Variants in NOD1 observed in about 807,000 individuals in gnomAD.
NOD1 encodes nucleotide-binding oligomerization domain-containing protein 1.
NOD1 carries 70 observed loss-of-function variants against 81.2 expected under a neutral mutation model. The ratio of observed to expected loss-of-function variants is 0.86; its 90% CI spans 0.71 to 1.05. The LOEUF (loss-of-function observed/expected upper bound fraction) is 1.05, where lower values mean the gene tolerates loss of function less well. Among genes scored for constraint, NOD1 ranks in the 50% least tolerant of loss-of-function variants. The probability of loss-of-function intolerance (pLI) is 0.00; values close to 1 mark genes in which losing one functional copy is unlikely to be tolerated. For synonymous variants in NOD1, 508 were observed against 526.9 expected (o/e 0.96, Z 0.49); for missense variants, 1,233 against 1,228.0 (o/e 1.00, Z -0.06).
chr7:30,463,121 T>G (rs1787311555), intron 1 of NOD1, among the ~76,000 whole-genome samples: 1 of 152,076 alleles, frequency 6.6e-6, no homozygotes, highest in Non-Finnish European at 1.5e-5. Context: ...GATTGCATGC[T>G]TGCTCTCTCC....
Position 30,468,733 on chromosome 7 carries a change from A to G in NOD1, c.-351-8692T>C, listed in dbSNP as rs536384592. ...TCCACCAACCCCCAACATAACTGGC[A>G]CACATATACCCATGAATGGGGACCA... On this transcript the variant is annotated intron_variant, in intron 1 of 13. Transcript: ENST00000222823. 2.8e-5 allele frequency: 22 copies of G among 783,520 alleles called. No homozygotes were observed. In the Admixed American group the frequency reaches 1.3e-3, roughly 47 times the overall value. 48.5% of individuals were successfully genotyped at this position (783,520 alleles called of 1,614,324 possible). A position where few individuals can be genotyped will look rare whatever the true frequency, so the allele number is the denominator to read the frequency against.
intron 5 of NOD1, among the ~76,000 whole-genome samples, chr7:30,453,619 C>T (rs1044666516): frequency 6.6e-6 from 1 of 152,194 alleles, no homozygotes; most frequent in Non-Finnish European, 1.5e-5. Context: ...GGGGTCTCGC[C>T]ATGTTGCCCA....
chr7:30,432,285 CAAAGG>C (rs1784016117), intron 12 of NOD1, among the ~76,000 whole-genome samples: 2 of 152,008 alleles, frequency 1.3e-5, no homozygotes, highest in African/African-American at 4.8e-5. Context: ...TTAAAATGGG[CAAAGG>C]ATATGGAGAC....
Position 30,452,176 on chromosome 7 carries a change from A to C in NOD1, c.1241T>G (p.Leu414Arg). 6.2e-7 allele frequency: 1 copy of C among 1,613,982 alleles called. No individual in the cohort carries two copies. The highest frequency in any genetic ancestry group is 8.5e-7 in the Non-Finnish European group (1 of 1,180,022). Reference protein sequence around the residue: ...FRAAFEGSPQLPDCTMTLTDV... With the variant: ...FRAAFEGSPQRPDCTMTLTDV... ...TGTCAGGGTCATCGTGCAGTCGGGC[A>C]GCTGTGGTGAGCCTTCAAAGGCAGC... Residue 414 changes from leucine (L) to arginine (R), a missense_variant, in exon 6 of 14, where the codon CTG becomes CGG. By Grantham distance (102) the Leu-to-Arg change is moderately radical. Transcript: ENST00000222823.
rs921139090 is a variant in NOD1 at position 30,452,400 on chromosome 7, C to T, written c.1017G>A (p.Pro339=). The T allele has an allele frequency of 5.0e-6, 8 of 1,613,322 alleles. No homozygotes were observed. The highest frequency in any genetic ancestry group is 1.6e-4 in the Middle Eastern group (1 of 6,062). Reference sequence around the variant, plus strand: ...GCACCTTCTTCCGCAGGAACTGGCGCGGGACCTCGATGCCTGTGCGGGCTG... The same window carrying T: ...GCACCTTCTTCCGCAGGAACTGGCGTGGGACCTCGATGCCTGTGCGGGCTG... ...LLTARTGIEV[P]RQFLRKKVLL... is the part of the protein sequence containing the mutation. The change falls in exon 6 of 14, where the codon CCG becomes CCA. Residue 339 remains proline, a synonymous_variant. Coordinates refer to ENST00000222823, the MANE Select transcript of NOD1 (RefSeq NM_006092.4).
chr7:30,475,967 T>C (rs1788735967), intron 1 of NOD1: 1 of 152,228 alleles, frequency 6.6e-6, no homozygotes, highest in South Asian at 2.1e-4. Context: ...AGGCCCCTTG[T>C]GTGACATGCA....
intron 9 of NOD1, among the ~76,000 whole-genome samples, chr7:30,438,293 C>T (rs932805571): frequency 2.6e-5 from 4 of 152,188 alleles, no homozygotes; most frequent in Non-Finnish European, 2.9e-5. Flanking sequence ...AAACAGTCTG[C>T]GTGGTAAGAT....
rs777877166 is a variant in NOD1 at position 30,451,816 on chromosome 7, C to T, written c.1601G>A (p.Arg534Lys). ...FTAFFLVLDD[R>K]VGTQELLRFF... ...CCTGAGCAGCTCCTGAGTGCCCACC[C>T]TGTCGTCCAGCACGAGGAAGAAGGC... The change falls in exon 6 of 14, where the codon AGG (arginine) becomes AAG (lysine). Residue 534 changes from arginine (R) to lysine (K), a missense_variant. Arg to Lys is a conservative substitution (Grantham distance 26). Transcript: ENST00000222823. The surrounding 1 kb of genome is among the most constrained non-coding windows in gnomAD (Gnocchi z 4.2). 8.1e-6 allele frequency: 13 copies of T among 1,613,774 alleles called. No individual in the cohort carries two copies. The highest frequency in any genetic ancestry group is 4.4e-5 in the South Asian group (4 of 91,090).
intron 1 of NOD1, chr7:30,469,176 A>G: frequency 2.0e-6 from 2 of 985,464 alleles, no homozygotes; most frequent in Non-Finnish European, 2.4e-6. Flanking sequence ...CCTGGAAAAC[A>G]AGCCCGGTCA....
chr7:30,434,551 T>G (rs1331551741), intron 11 of NOD1, among the ~76,000 whole-genome samples: 1 of 152,238 alleles, frequency 6.6e-6, no homozygotes, highest in Non-Finnish European at 1.5e-5. Context: ...TTAGAGCCAC[T>G]GCTTGAATGC....
At chr7:30,464,314 C>T (rs1562710820) in intron 1 of NOD1, among the ~76,000 whole-genome samples, 3 of 152,202 alleles carry the variant, frequency 2.0e-5, no homozygotes. Context: ...CTACCATCAG[C>T]GTGACCCGTG....
At position 30,439,373 on chromosome 7, in the gene NOD1, C is replaced by G. The variant is rs1490013905; in HGVS notation, c.2454-1717G>C. 2.9e-5 allele frequency among the ~76,000 whole-genome samples: 4 copies of G among 138,656 alleles called. 1 individual carries two copies. The highest frequency in any genetic ancestry group is 6.1e-5 in the African/African-American group (2 of 32,580). 91.0% of individuals were successfully genotyped at this position (138,656 alleles called of 152,430 possible). On this transcript the variant is annotated intron_variant, in intron 9 of 13. Transcript: ENST00000222823. ...GTTCATCTCACTAGGGAGCGCCAGA[C>G]AGTGGGCGCAGGCCAGTGTGTGCGC...
chr7:30,429,312 A>G, intron 13 of NOD1, 62 bp downstream of exon 13: 1 of 1,386,890 alleles, frequency 7.2e-7, no homozygotes, highest in Non-Finnish European at 1.0e-6. Flanking sequence ...TGCCTTGCAC[A>G]GTCAGTGGTG....
chr7:30,458,740 C>CTT lies in NOD1; in HGVS notation c.-122+410_-122+411dup, dbSNP rs11430536. On this transcript the variant is annotated intron_variant, in intron 3 of 13. Transcript: ENST00000222823. The stretch of plus-strand genomic sequence containing the variant: ...TTATTAAATACTAATCCAGCCTTTT[C>CTT]TTTTTTTTTTTTTTTTGACAGAGTC... 3.8e-3 allele frequency among the ~76,000 whole-genome samples: 526 copies of CTT among 139,732 alleles called. 10 individuals carry two copies. The highest frequency in any genetic ancestry group is 0.032 in the East Asian group (156 of 4,828). The allele number at this position is 139,732 out of a possible 152,430, so 91.7% of individuals were successfully genotyped here. A position where few individuals can be genotyped will look rare whatever the true frequency, so the allele number is the denominator to read the frequency against.
At chr7:30,477,800 C>T (rs1281574316) in intron 1 of NOD1, among the ~76,000 whole-genome samples, 2 of 151,790 alleles carry the variant, frequency 1.3e-5, no homozygotes, top group Non-Finnish European at 2.9e-5. Context: ...GGATTACAGG[C>T]GTGAGCCACC....
In NOD1 at chr7:30,425,066, G is replaced by A. The variant is rs1401674428; in HGVS notation, c.*572C>T. On this transcript the variant is annotated 3_prime_UTR_variant, in exon 14 of 14. Coordinates refer to ENST00000222823, the MANE Select transcript of NOD1 (RefSeq NM_006092.4). Reference sequence around the variant, plus strand: ...GACATTAACTTTCCACAAAACCTTGGAGGAGTCAAATCCCACACTGCACAT... The same window carrying A: ...GACATTAACTTTCCACAAAACCTTGAAGGAGTCAAATCCCACACTGCACAT... 4 of 152,584 alleles carry A rather than the reference G, an allele frequency of 2.6e-5. No homozygotes were observed. Among genetic ancestry groups the A allele is most frequent in the Non-Finnish European group, 4.4e-5 (3 of 68,386 alleles). 9.5% of individuals were successfully genotyped at this position (152,584 alleles called of 1,614,324 possible).
intron 1 of NOD1, chr7:30,460,258 G>C: frequency 1.0e-6 from 1 of 985,468 alleles, no homozygotes; most frequent in Non-Finnish European, 1.2e-6. Flanking sequence ...TGGGAGACTG[G>C]AGATCAATTC....
chr7:30,474,945 A>G (rs1788627456), intron 1 of NOD1, among the ~76,000 whole-genome samples: 1 of 152,204 alleles, frequency 6.6e-6, no homozygotes, highest in African/African-American at 2.4e-5. Flanking sequence ...CACTCACTGA[A>G]GGGGCCTGTG....
At chr7:30,450,189 A>C (rs1785543759) in intron 6 of NOD1, among the ~76,000 whole-genome samples, 1 of 151,668 alleles carries the variant, frequency 6.6e-6, no homozygotes, top group South Asian at 2.1e-4. Flanking sequence ...GCGGGACTCC[A>C]TTTGGGGGAG....
Sources: gnomAD v4.1 joint callset for allele counts (sites outside exome capture counted in the v4.1 genomes callset) on GRCh38, gnomAD v4.1.1 for gene constraint, Gnocchi (gnomAD v3.1) non-coding constraint, MANE v1.5 for transcripts, NCBI Gene and HGNC (gene_info 2026-07-23, HGNC 2026-07-21) for gene names.